Variants in SLC16A14 observed in about 807,000 individuals in gnomAD.
SLC16A14 encodes monocarboxylate transporter 14.
In SLC16A14, 14 loss-of-function variants were observed where a neutral mutation model predicts 35.8. The ratio of observed to expected loss-of-function variants is 0.39; its 90% CI spans 0.26 to 0.61. The LOEUF is 0.61. Ranked by LOEUF, SLC16A14 falls within the 20% of genes least tolerant of loss-of-function variation. SLC16A14 has a pLI of 0.51. For synonymous variants in SLC16A14, 248 were observed against 258.9 expected (o/e 0.96, Z 0.40); for missense variants, 533 against 655.0 (o/e 0.81, Z 2.03).
At chr2:230,054,312 A>G (rs2077687664) in intron 2 of SLC16A14, among the ~76,000 whole-genome samples, 1 of 152,188 alleles carries the variant, frequency 6.6e-6, no homozygotes, top group South Asian at 2.1e-4. Context: ...CCAAAAGAAA[A>G]AAATTAAGCT....
chr2:230,045,049 G>C (rs551580811), intron 4 of SLC16A14, among the ~76,000 whole-genome samples: 14 of 152,050 alleles, frequency 9.2e-5, no homozygotes, highest in Non-Finnish European at 1.8e-4. Flanking sequence ...GCTTCCCTTG[G>C]GGGGAAACAA....
intron 1 of SLC16A14, among the ~76,000 whole-genome samples, chr2:230,064,453 C>G (rs1382227068): frequency 6.6e-6 from 1 of 152,122 alleles, no homozygotes; most frequent in African/African-American, 2.4e-5. Context: ...GTCAAAGGGC[C>G]AGTGGATGAG....
intron 2 of SLC16A14, among the ~76,000 whole-genome samples, chr2:230,053,434 A>T (rs2077678514): frequency 6.6e-6 from 1 of 152,232 alleles, no homozygotes; most frequent in African/African-American, 2.4e-5. Context: ...TATTCACATT[A>T]TCTGACTTTT....
At position 230,053,155 on chromosome 2, in the gene SLC16A14, C is replaced by G. The variant is rs550733966; in HGVS notation, c.260-3251G>C. 6.1e-4 allele frequency among the ~76,000 whole-genome samples: 93 copies of G among 152,206 alleles called. 1 individual carries two copies. The highest frequency in any genetic ancestry group is 2.0e-3 in the African/African-American group (81 of 41,530). ...ACAGGGTTTCACCATGTTGGCTAGG[C>G]TGGTCTCAAACTGCTGACCTCAGGT... On this transcript the variant is annotated intron_variant, in intron 2 of 4. Transcript: ENST00000295190.
intron 4 of SLC16A14, among the ~76,000 whole-genome samples, chr2:230,042,466 T>A (rs1169255240): frequency 6.6e-6 from 1 of 152,182 alleles, no homozygotes. Context: ...AGTTGTGTTG[T>A]GATGCTACCA....
intron 2 of SLC16A14, among the ~76,000 whole-genome samples, chr2:230,057,036 C>T (rs1028057186): frequency 2.6e-5 from 4 of 151,946 alleles, no homozygotes; most frequent in East Asian, 3.8e-4. Context: ...TCGCACAAAA[C>T]CGAAAAAGAT....
At chr2:230,040,469 G>A (rs537426206) in intron 4 of SLC16A14, among the ~76,000 whole-genome samples, 7 of 152,124 alleles carry the variant, frequency 4.6e-5, no homozygotes, top group East Asian at 1.9e-4. Flanking sequence ...TAATCCACCC[G>A]CCTCAGCCTC....
intron 1 of SLC16A14, among the ~76,000 whole-genome samples, chr2:230,061,343 C>G (rs946540680): frequency 5.3e-5 from 8 of 152,170 alleles, no homozygotes; most frequent in African/African-American, 1.9e-4. Flanking sequence ...ACATTGTATT[C>G]TACATGGAAG....
chr2:230,041,006 G>GGGATTCTTGGCAACCCT (rs1235977942), intron 4 of SLC16A14, among the ~76,000 whole-genome samples: 1 of 152,092 alleles, frequency 6.6e-6, no homozygotes, highest in Non-Finnish European at 1.5e-5. Context: ...TTTGGAACCC[G>GGGATTCTTGGCAACCCT]GGATTCTTGG....
rs1433712029 is a variant in SLC16A14, at chr2:230,035,287, G to A, written c.*2093C>T. 2.0e-5 allele frequency: 3 copies of A among 152,688 alleles called. No individual in the cohort carries two copies. Among genetic ancestry groups the A allele is most frequent in the East Asian group, 3.9e-4 (2 of 5,188 alleles). The allele number at this position is 152,688 out of a possible 1,614,324, so 9.5% of individuals were successfully genotyped here. ...CAACACACAACTGTACAAACTGAAC[G>A]TGAGCAAGTCTAACTTAGATGTAAT... On this transcript the variant is annotated 3_prime_UTR_variant, in exon 5 of 5. Transcript: ENST00000295190.
At chr2:230,061,404 C>T (rs1338208434) in intron 1 of SLC16A14, among the ~76,000 whole-genome samples, 1 of 152,126 alleles carries the variant, frequency 6.6e-6, no homozygotes, top group Non-Finnish European at 1.5e-5. Context: ...ATGTGTAGTC[C>T]CAGCTACACA....
At chr2:230,062,727 A>G (rs1197581105) in intron 1 of SLC16A14, among the ~76,000 whole-genome samples, 1 of 152,264 alleles carries the variant, frequency 6.6e-6, no homozygotes, top group African/African-American at 2.4e-5. Context: ...TTACTGGGGG[A>G]AAAAATGAGT....
rs1213781851 is a variant in SLC16A14 at position 230,059,104 on chromosome 2, G to T, written c.249C>A (p.Thr83=). Reference sequence around the variant, plus strand: ...CACACATGAACATACCCACTATCAAGGTGATGCCCATGCTGAGGGAGCTGA... The same window carrying T: ...CACACATGAACATACCCACTATCAATGTGATGCCCATGCTGAGGGAGCTGA... ...AWVSSLSMGI[T]LIVGPFIGLF... is the part of the protein sequence containing the mutation. The change falls in exon 2 of 5, where the codon ACC becomes ACA. Residue 83 remains threonine (T), a synonymous_variant. Coordinates refer to ENST00000295190, the MANE Select transcript of SLC16A14 (RefSeq NM_152527.5). 6.2e-7 allele frequency: 1 copy of T among 1,611,528 alleles called. No homozygotes were observed. Among genetic ancestry groups the T allele is most frequent in the African/African-American group, 1.3e-5 (1 of 74,840 alleles).
At chr2:230,066,717 T>G in intron 1 of SLC16A14, 1 of 395,544 alleles carries the variant, frequency 2.5e-6, no homozygotes, top group Non-Finnish European at 4.9e-6. Flanking sequence ...TCACTGCAAC[T>G]TCCGCCTCCC....
At chr2:230,054,154 A>G (rs1399883757) in intron 2 of SLC16A14, among the ~76,000 whole-genome samples, 2 of 152,144 alleles carry the variant, frequency 1.3e-5, no homozygotes, top group East Asian at 3.8e-4. Context: ...ACTGCTATAA[A>G]GTGATTTAGC....
At chr2:230,067,429 A>G (rs529667499) in intron 1 of SLC16A14, among the ~76,000 whole-genome samples, 42 of 152,222 alleles carry the variant, frequency 2.8e-4, no homozygotes, top group East Asian at 1.5e-3. Context: ...GAAGCTTAGA[A>G]AGGTTAAACT....
chr2:230,044,417 G>A (rs1391727825), intron 4 of SLC16A14, among the ~76,000 whole-genome samples: 1 of 151,050 alleles, frequency 6.6e-6, no homozygotes, highest in Non-Finnish European at 1.5e-5. Flanking sequence ...GGCGGAGGTT[G>A]CGTTAAGCTG....
At chr2:230,053,263 A>C (rs1233000480) in intron 2 of SLC16A14, among the ~76,000 whole-genome samples, 1 of 152,120 alleles carries the variant, frequency 6.6e-6, no homozygotes, top group African/African-American at 2.4e-5. Context: ...CCCACTGTTT[A>C]CTGATGGTCC....
chr2:230,050,019 A>G, intron 2 of SLC16A14, 115 bp from the exon 3 acceptor site: 4 of 1,237,828 alleles, frequency 3.2e-6, no homozygotes, highest in Non-Finnish European at 4.4e-6. Context: ...TAAATGACAC[A>G]AAAAGCCCCC....
Sources: gnomAD v4.1 joint callset for allele counts (sites outside exome capture counted in the v4.1 genomes callset) on GRCh38, gnomAD v4.1.1 for gene constraint, MANE v1.5 for transcripts, NCBI Gene and HGNC (gene_info 2026-07-23, HGNC 2026-07-21) for gene names.